PIEZO1: variants seen among roughly 807,000 people sequenced by gnomAD.
The protein encoded by PIEZO1 is piezo type mechanosensitive ion channel component 1 (Er blood group), also known as piezo-type mechanosensitive ion channel component 1.
Under a neutral mutation model 297.2 loss-of-function variants are expected in PIEZO1, and 296 were observed. The ratio of observed to expected loss-of-function variants is 1.00; its 90% CI spans 0.91 to 1.10. The LOEUF (loss-of-function observed/expected upper bound fraction) is 1.10, where lower values mean the gene tolerates loss of function less well. Among genes scored for constraint, PIEZO1 ranks in the 50% least tolerant of loss-of-function variants. PIEZO1 has a pLI of 0.00. For synonymous variants in PIEZO1, 2,427 were observed against 1,507.5 expected (o/e 1.61, Z -14.13); for missense variants, 5,018 against 3,455.5 (o/e 1.45, Z -11.34).
rs776087590 is a variant in PIEZO1 at position 88,738,373 on chromosome 16, C to T, written c.702G>A (p.Trp234Ter). The change falls in exon 7 of 51, where the codon TGG becomes TGA. Residue 234 changes from tryptophan to a stop codon, truncating the protein, a stop_gained. Coordinates refer to ENST00000301015, the MANE Select transcript of PIEZO1 (RefSeq NM_001142864.4). LOFTEE classifies it high-confidence loss of function. Reference sequence around the variant, plus strand: ...GAGTGCTGATGGGAAAGTGGCAGGCCCACCAGGTGCAGAGGGCCAGGAAGA... The same window carrying T: ...GAGTGCTGATGGGAAAGTGGCAGGCTCACCAGGTGCAGAGGGCCAGGAAGA... Reference protein sequence around the residue: ...LLLFLALCTWWACHFPISTRG... With the variant: ...LLLFLALCTW The T allele has an allele frequency of 6.5e-7, 1 of 1,535,866 alleles. No homozygotes were observed. The highest frequency in any genetic ancestry group is 1.2e-5 in the South Asian group (1 of 84,062).
chr16:88,722,532 T>G, intron 35 of PIEZO1, 51 bp downstream of exon 35: 1 of 1,443,558 alleles, frequency 6.9e-7, no homozygotes, highest in South Asian at 1.3e-5. Context: ...GGCTAGGCGA[T>G]GCCCACACAC....
intron 1 of PIEZO1, among the ~76,000 whole-genome samples, chr16:88,757,124 C>A (rs1160562335): frequency 1.3e-5 from 2 of 152,084 alleles, no homozygotes. Context: ...GCCCTCGGTC[C>A]CTGGGGAAGG....
intron 1 of PIEZO1, among the ~76,000 whole-genome samples, chr16:88,780,750 CAG>C (rs1211779383): frequency 6.6e-6 from 1 of 152,194 alleles, no homozygotes; most frequent in Non-Finnish European, 1.5e-5. Context: ...CGCTTAAGGT[CAG>C]GAGTTCAAGG....
chr16:88,731,611 G>C (rs765310879), intron 22 of PIEZO1, 95 bp downstream of exon 22: 1 of 918,336 alleles, frequency 1.1e-6, no homozygotes, highest in Non-Finnish European at 1.7e-6. Flanking sequence ...CTAAGTCTAG[G>C]AGGGTGGACA....
intron 19 of PIEZO1, 113 bp from the exon 20 acceptor site, chr16:88,732,845 G>T: frequency 9.0e-7 from 1 of 1,112,094 alleles, no homozygotes; most frequent in South Asian, 1.6e-5. Flanking sequence ...CCCAGCCAGG[G>T]ACACGGGGGC....
At position 88,733,354 on chromosome 16, in the gene PIEZO1, C is replaced by G. The variant is rs1416086937; in HGVS notation, c.2588G>C (p.Cys863Ser). Residue 863 changes from cysteine (C) to serine (S), a missense_variant, in exon 19 of 51, where the codon TGC (cysteine) becomes TCC (serine). Physicochemically the swap from Cys to Ser is moderately radical, Grantham distance 112 (BLOSUM62 -1). Coordinates refer to ENST00000301015, the MANE Select transcript of PIEZO1 (RefSeq NM_001142864.4). ...MASCLSTVWT[C>S]VIIVCKMLYQ... The stretch of plus-strand genomic sequence containing the variant: ...CAGCATCTTACACACGATGATGACG[C>G]AGGTCCACACGGTGGACAGGCAGGA... 1.9e-6 allele frequency: 3 copies of G among 1,550,152 alleles called. No homozygotes were observed. The East Asian group carries it at 7.3e-5, about 38-fold the overall frequency.
rs942831980 is a variant in PIEZO1 at position 88,734,634 on chromosome 16, C to G, written c.1997+16G>C. 4 of 1,549,986 alleles carry G rather than the reference C, an allele frequency of 2.6e-6. No homozygotes were observed. The African/African-American group carries it at 4.1e-5, about 16-fold the overall frequency. On this transcript the variant is annotated intron_variant, in intron 15 of 50. Transcript: ENST00000301015. ...GGTTTCGGCGCCCCTGCCCCACCGC[C>G]CCAGCCTGGACTCACTGCTCGTCGG...
rs948942641 is a variant in PIEZO1, at chr16:88,734,447, G to A, written c.2089C>T (p.Gln697Ter). 1.3e-6 allele frequency: 2 copies of A among 1,549,980 alleles called. No homozygotes were observed. Among genetic ancestry groups the A allele is most frequent in the Non-Finnish European group, 1.7e-6 (2 of 1,146,698 alleles). ...PGFFLLACIL[Q>*]LHYFHRPFMQ... ...AAGGGCCTGTGGAAGTAGTGCAGCTGCAGGATGCAGGCCAGGAGGAAGAAG... is the reference window on the plus strand; with the variant it reads ...AAGGGCCTGTGGAAGTAGTGCAGCTACAGGATGCAGGCCAGGAGGAAGAAG... Residue 697 changes from glutamine to a stop codon, truncating the protein, a stop_gained, in exon 16 of 51, where the codon CAG (glutamine) becomes TAG (stop). Transcript: ENST00000301015. LOFTEE classifies it high-confidence loss of function.
At chr16:88,727,860 G>A (rs1335167818) in intron 22 of PIEZO1, 199 bp from the exon 23 acceptor site, 2 of 386,242 alleles carry the variant, frequency 5.2e-6, no homozygotes, top group Non-Finnish European at 9.2e-6. Context: ...TCTGCACCAA[G>A]CCCCTGGGGG....
In PIEZO1 at chr16:88,721,845, C is replaced by G. The variant is rs573872724; in HGVS notation, c.5177G>C (p.Ser1726Thr). ...GATGGCCGTCATCCAGAAGCGCTTG[C>G]TGGGCCTCGGGATCGACAGCATGGC... ...LWAMLSIPRP[S>T]KRFWMTAIVF... Residue 1726 changes from serine (S) to threonine (T), a missense_variant, in exon 37 of 51, where the codon AGC (serine) becomes ACC (threonine). Physicochemically the swap from Ser to Thr is moderately conservative, Grantham distance 58 (BLOSUM62 1). Coordinates refer to ENST00000301015, the MANE Select transcript of PIEZO1 (RefSeq NM_001142864.4). 8 of 1,549,240 alleles carry G rather than the reference C, an allele frequency of 5.2e-6. No homozygotes were observed. Among genetic ancestry groups the G allele is most frequent in the Non-Finnish European group, 7.0e-6 (8 of 1,146,692 alleles).
intron 1 of PIEZO1, among the ~76,000 whole-genome samples, chr16:88,765,093 G>T (rs866614892): frequency 1.3e-5 from 2 of 152,358 alleles, no homozygotes; most frequent in South Asian, 4.1e-4. Context: ...CTCACCCTGT[G>T]ATTTACCCAG....
intron 22 of PIEZO1, among the ~76,000 whole-genome samples, chr16:88,729,613 T>G (rs12922182): frequency 2.2e-4 from 31 of 140,834 alleles, no homozygotes; most frequent in East Asian, 8.4e-4. Context: ...CCCAGGACAT[T>G]CTGAACCCAC....
At chr16:88,748,601 G>T (rs1464489590) in intron 2 of PIEZO1, among the ~76,000 whole-genome samples, 1 of 152,044 alleles carries the variant, frequency 6.6e-6, no homozygotes, top group Non-Finnish European at 1.5e-5. Context: ...GCCTCAGCAG[G>T]CAGGAAACGT....
At chr16:88,725,549 G>C in intron 28 of PIEZO1, 30 bp from the exon 29 acceptor site, 1 of 1,535,512 alleles carries the variant, frequency 6.5e-7, no homozygotes, top group Non-Finnish European at 8.8e-7. Flanking sequence ...GGTATGCTGA[G>C]CATTGGGGGG....
intron 5 of PIEZO1, chr16:88,740,609 A>T (rs560337122): frequency 6.6e-6 from 1 of 152,500 alleles, no homozygotes; most frequent in East Asian, 1.9e-4. Flanking sequence ...CAGGACAGGC[A>T]GGAGGGCAGG....
Position 88,719,743 on chromosome 16 carries a change from G to C in PIEZO1, c.6324-22C>G, listed in dbSNP as rs376356227. The C allele has an allele frequency of 6.5e-6, 10 of 1,550,340 alleles. No homozygotes were observed. In the East Asian group the frequency reaches 2.2e-4, roughly 34 times the overall value. Reference sequence around the variant, plus strand: ...GAACCTGCCCACAGCCAGGGTTCCCGTCAGGTGGGCTCCCTCATGCCCGGG... The same window carrying C: ...GAACCTGCCCACAGCCAGGGTTCCCCTCAGGTGGGCTCCCTCATGCCCGGG... On this transcript the variant is annotated intron_variant, in intron 43 of 50. Coordinates refer to ENST00000301015, the MANE Select transcript of PIEZO1 (RefSeq NM_001142864.4).
At chr16:88,731,677 CA>C in intron 22 of PIEZO1, 28 bp downstream of exon 22, 1 of 1,534,326 alleles carries the variant, frequency 6.5e-7, no homozygotes, top group South Asian at 1.2e-5. Flanking sequence ...CCACAAAGCC[CA>C]CTCCCACCCA....
chr16:88,732,290 G>C (rs374366679), intron 21 of PIEZO1, 45 bp downstream of exon 21: 1 of 1,504,654 alleles, frequency 6.6e-7, no homozygotes, highest in Non-Finnish European at 9.0e-7. Context: ...CCTCCCTCCC[G>C]AAGGCCAAGC....
At chr16:88,757,499 G>C (rs1380175284) in intron 1 of PIEZO1, among the ~76,000 whole-genome samples, 2 of 150,560 alleles carry the variant, frequency 1.3e-5, no homozygotes, top group African/African-American at 2.5e-5. Flanking sequence ...GCTTGAACAA[G>C]GGCTGGGGGC....
Sources: gnomAD v4.1 joint callset for allele counts (sites outside exome capture counted in the v4.1 genomes callset) on GRCh38, gnomAD v4.1.1 for gene constraint, MANE v1.5 for transcripts, NCBI Gene and HGNC (gene_info 2026-07-23, HGNC 2026-07-21) for gene names.